AGBL1: variants seen among roughly 807,000 people sequenced by gnomAD.
AGBL1 encodes the protein AGBL carboxypeptidase 1, also known as cytosolic carboxypeptidase 4.
AGBL1 carries 130 observed loss-of-function variants against 118.9 expected under a neutral mutation model. That is an observed-to-expected ratio of 1.09 (90% CI 0.95 to 1.26). The LOEUF (loss-of-function observed/expected upper bound fraction) is 1.26, where lower values mean the gene tolerates loss of function less well. AGBL1 is among the 50% of genes most tolerant of loss of function. The probability of loss-of-function intolerance (pLI) is 0.00; values close to 1 mark genes in which losing one functional copy is unlikely to be tolerated. For synonymous variants in AGBL1, 555 were observed against 478.9 expected, an observed-to-expected ratio of 1.16 and a Z score of -2.08; for missense variants, 1,584 against 1,298.1, an observed-to-expected ratio of 1.22 and a Z score of -3.38.
At chr15:86,558,987 C>A (rs1354519870) in intron 21 of AGBL1, among the ~76,000 whole-genome samples, 1 of 152,190 alleles carries the variant, frequency 6.6e-6, no homozygotes, top group Non-Finnish European at 1.5e-5. Flanking sequence ...TATGTTCTCT[C>A]TAAAGGCAAC....
At chr15:86,137,264 C>T (rs2076901436) in intron 1 of AGBL1, among the ~76,000 whole-genome samples, 1 of 152,208 alleles carries the variant, frequency 6.6e-6, no homozygotes, top group South Asian at 2.1e-4. Context: ...GTCTTTAGGA[C>T]AACACTGTCT....
intron 22 of AGBL1, among the ~76,000 whole-genome samples, chr15:86,820,799 A>T (rs2078931220): frequency 6.6e-6 from 1 of 152,180 alleles, no homozygotes; most frequent in Admixed American, 6.5e-5. Context: ...AGAATCAGAA[A>T]TACCATTTGA....
chr15:86,211,558 C>T (rs1233844512), intron 5 of AGBL1, among the ~76,000 whole-genome samples: 1 of 152,236 alleles, frequency 6.6e-6, no homozygotes, highest in African/African-American at 2.4e-5. Flanking sequence ...GAATGCCCCT[C>T]CTCCTGCAAG....
intron 4 of AGBL1, among the ~76,000 whole-genome samples, chr15:86,158,236 T>C (rs2077219079): frequency 6.6e-6 from 1 of 152,166 alleles, no homozygotes. Context: ...AAGACTGTAG[T>C]GAGATGAGGA....
At chr15:86,649,759 ATTCT>A (rs2142491235) in intron 21 of AGBL1, among the ~76,000 whole-genome samples, 1 of 144,476 alleles carries the variant, frequency 6.9e-6, no homozygotes, top group East Asian at 2.1e-4. Context: ...TTTATTCAAC[ATTCT>A]TTTTTTTTTT....
chr15:86,371,326 G>A (rs552961337), intron 17 of AGBL1, among the ~76,000 whole-genome samples: 1 of 152,292 alleles, frequency 6.6e-6, no homozygotes, highest in African/African-American at 2.4e-5. Context: ...CAGTTTGAAG[G>A]AAATGGTGGA....
At chr15:86,517,792 T>A (rs1268524891) in intron 18 of AGBL1, among the ~76,000 whole-genome samples, 1 of 149,180 alleles carries the variant, frequency 6.7e-6, no homozygotes, top group Non-Finnish European at 1.5e-5. Context: ...GTCTTTTGGT[T>A]TTTTCCTCTT....
upstream of AGBL1, chr15:86,079,821 C>T: frequency 4.5e-6 from 2 of 444,254 alleles, no homozygotes; most frequent in Non-Finnish European, 3.7e-6. Context: ...TCTAGGGTTG[C>T]ACCGCGCTGA....
intron 22 of AGBL1, among the ~76,000 whole-genome samples, chr15:86,903,520 T>A (rs1316958634): frequency 1.4e-4 from 22 of 152,248 alleles, no homozygotes; most frequent in African/African-American, 5.1e-4. Flanking sequence ...GCTGTTGGCA[T>A]GTCTTGATTA....
intron 22 of AGBL1, among the ~76,000 whole-genome samples, chr15:86,688,260 AGAG>A (rs995199052): frequency 7.9e-5 from 12 of 151,848 alleles, no homozygotes; most frequent in African/African-American, 2.9e-4. Context: ...AGACTGAGAA[AGAG>A]GAGGAGGAGA....
intron 1 of AGBL1, chr15:86,080,279 T>C: frequency 2.9e-6 from 1 of 340,036 alleles, no homozygotes; most frequent in Non-Finnish European, 5.3e-6. Flanking sequence ...GGGTAAAAGA[T>C]CCGAGTTTTC....
intron 24 of AGBL1, among the ~76,000 whole-genome samples, chr15:86,997,483 T>G (rs985155682): frequency 2.0e-5 from 3 of 152,204 alleles, no homozygotes; most frequent in Non-Finnish European, 4.4e-5. Context: ...AGCTTCAGTT[T>G]ATCAAGCCCC....
chr15:86,194,345 AAG>A (rs1239309662), intron 5 of AGBL1, among the ~76,000 whole-genome samples: 1 of 152,250 alleles, frequency 6.6e-6, no homozygotes, highest in African/African-American at 2.4e-5. Flanking sequence ...TTTGCAAAGA[AAG>A]AGTGATGCCT....
chr15:86,347,072 G>C (rs548489045), intron 17 of AGBL1, among the ~76,000 whole-genome samples: 3 of 152,266 alleles, frequency 2.0e-5, no homozygotes, highest in Admixed American at 6.5e-5. Flanking sequence ...GACAGTAAAA[G>C]GTATATATTA....
At chr15:86,330,479 A>G (rs922915936) in intron 17 of AGBL1, among the ~76,000 whole-genome samples, 1 of 152,242 alleles carries the variant, frequency 6.6e-6, no homozygotes, top group Non-Finnish European at 1.5e-5. Context: ...TAAAGAAAAA[A>G]TTCCACTTAC....
chr15:86,257,449 A>G (rs1012954724), intron 8 of AGBL1, among the ~76,000 whole-genome samples: 6 of 152,208 alleles, frequency 3.9e-5, no homozygotes, highest in South Asian at 2.1e-4. Flanking sequence ...TTATTATTTA[A>G]TCTCTGGGAA....
intron 22 of AGBL1, among the ~76,000 whole-genome samples, chr15:86,740,229 C>T (rs1465879571): frequency 6.6e-6 from 1 of 152,064 alleles, no homozygotes; most frequent in Non-Finnish European, 1.5e-5. Context: ...AAATTGTTTC[C>T]CTAGCATCCC....
At chr15:86,479,183 C>A (rs370988816) in intron 18 of AGBL1, among the ~76,000 whole-genome samples, 3 of 151,948 alleles carry the variant, frequency 2.0e-5, no homozygotes, top group Non-Finnish European at 4.4e-5. Context: ...CAAGGACTTC[C>A]TGTCTAAAAC....
chr15:86,161,250 G>A (rs1375422840), intron 5 of AGBL1, among the ~76,000 whole-genome samples: 4 of 152,202 alleles, frequency 2.6e-5, no homozygotes, highest in African/African-American at 9.7e-5. Context: ...AACCTCTGTA[G>A]GAAAGAGGCT....
Sources: gnomAD v4.1 joint callset for allele counts (sites outside exome capture counted in the v4.1 genomes callset) on GRCh38, gnomAD v4.1.1 for gene constraint, MANE v1.5 for transcripts, NCBI Gene and HGNC (gene_info 2026-07-23, HGNC 2026-07-21) for gene names.